SYNE3: variants seen among roughly 807,000 people sequenced by gnomAD.
SYNE3 encodes the protein spectrin repeat containing nuclear envelope family member 3.
Under a neutral mutation model 111.2 loss-of-function variants are expected in SYNE3, and 100 were observed. The observed-to-expected ratio is 0.90, with a 90% confidence interval of 0.77 to 1.06. The LOEUF is 1.06. Ranked by LOEUF, SYNE3 falls within the 50% of genes least tolerant of loss-of-function variation. SYNE3 has a pLI of 0.00. For missense variants in SYNE3, 1,160 were observed against 1,240.3 expected (o/e 0.94, Z 0.97); for synonymous variants, 547 against 533.9 (o/e 1.02, Z -0.34).
At chr14:95,437,112 G>T (rs778146649) in intron 14 of SYNE3, 131 bp from the exon 15 acceptor site, 229 of 1,013,168 alleles carry the variant, frequency 2.3e-4, no homozygotes, top group Non-Finnish European at 3.1e-4. Context: ...GGAGAGGCCT[G>T]GGGGATGAAC....
rs112509650 is a variant in SYNE3 at position 95,440,800 on chromosome 14, G to T, written c.1912-725C>A. Among the ~76,000 whole-genome samples the T allele has an allele frequency of 8.2e-3, 1,248 of 152,358 alleles. 12 individuals are homozygous for T. The highest frequency in any genetic ancestry group is 0.061 in the Middle Eastern group (18 of 294). ...CGGGAATGGTGAGCTGGGCATGACC[G>T]CAGGCACAGAGGCTTTGGGAGGCTG... On this transcript the variant is annotated intron_variant, in intron 11 of 17. Coordinates refer to ENST00000682763, the MANE Select transcript of SYNE3 (RefSeq NM_152592.6).
rs148301099 is a variant in SYNE3, at chr14:95,461,138, C to T, written c.628-3800G>A. 2.4e-4 allele frequency among the ~76,000 whole-genome samples: 36 copies of T among 152,332 alleles called. No individual in the cohort carries two copies. The East Asian group carries it at 6.0e-3, about 25-fold the overall frequency. The stretch of plus-strand genomic sequence containing the variant: ...GACCCAGCAATTACACCATCTGCGG[C>T]GGGCAGAGCTGTCAGGAATGTCAAA... On this transcript the variant is annotated intron_variant, in intron 4 of 17. Transcript: ENST00000682763.
intron 1 of SYNE3, among the ~76,000 whole-genome samples, chr14:95,502,224 C>A (rs1890363750): frequency 6.6e-6 from 1 of 152,106 alleles, no homozygotes; most frequent in Non-Finnish European, 1.5e-5. Flanking sequence ...ACCCTCATAT[C>A]CCCTTCCAAG....
chr14:95,450,138 GGAGA>G, intron 7 of SYNE3, 33 bp from the exon 8 acceptor site: 1 of 1,555,218 alleles, frequency 6.4e-7, no homozygotes, highest in Non-Finnish European at 8.7e-7. Flanking sequence ...AAATGAGGGA[GGAGA>G]GAGAGTGGGT....
chr14:95,461,937 A>G (rs1108892), intron 4 of SYNE3, among the ~76,000 whole-genome samples: 2,634 of 152,234 alleles, frequency 0.017, 74 homozygotes, highest in African/African-American at 0.06. Flanking sequence ...CTGGGGCTGG[A>G]GGGCTGGGGA....
intron 1 of SYNE3, among the ~76,000 whole-genome samples, chr14:95,486,487 C>T (rs1392175856): frequency 2.6e-5 from 4 of 152,072 alleles, no homozygotes; most frequent in Non-Finnish European, 5.9e-5. Flanking sequence ...CCTCCCTGAA[C>T]CCCCCAGACC....
intron 1 of SYNE3, among the ~76,000 whole-genome samples, chr14:95,515,447 A>G (rs903683167): frequency 6.6e-6 from 1 of 152,144 alleles, no homozygotes; most frequent in African/African-American, 2.4e-5. Flanking sequence ...AGGCCCTTCA[A>G]GAGAGCCAGG....
chr14:95,484,502 T>C (rs1466263847), intron 1 of SYNE3, among the ~76,000 whole-genome samples: 1 of 152,158 alleles, frequency 6.6e-6, no homozygotes, highest in Non-Finnish European at 1.5e-5. Context: ...GGCAGGGCAC[T>C]GGCCATCTGC....
intron 10 of SYNE3, chr14:95,443,554 G>A: frequency 2.5e-6 from 1 of 406,922 alleles, no homozygotes. Flanking sequence ...TGGCATCTCT[G>A]GGGACAAACT....
At chr14:95,510,742 T>C (rs1414342834) in intron 1 of SYNE3, among the ~76,000 whole-genome samples, 2 of 151,958 alleles carry the variant, frequency 1.3e-5, no homozygotes, top group African/African-American at 4.8e-5. Context: ...GAGCCGAGAT[T>C]GCACCATTGC....
intron 16 of SYNE3, among the ~76,000 whole-genome samples, chr14:95,432,698 G>A (rs1204441154): frequency 1.3e-5 from 2 of 150,070 alleles, no homozygotes; most frequent in Non-Finnish European, 3.0e-5. Flanking sequence ...GGAGACACAG[G>A]GGCCCCCGAA....
chr14:95,503,378 C>A (rs547168477), intron 1 of SYNE3, among the ~76,000 whole-genome samples: 2 of 152,324 alleles, frequency 1.3e-5, no homozygotes, highest in African/African-American at 4.8e-5. Flanking sequence ...CTCAGTCTTA[C>A]AAGGATTCTT....
chr14:95,514,903 G>C (rs1345309357), intron 1 of SYNE3, among the ~76,000 whole-genome samples: 1 of 152,268 alleles, frequency 6.6e-6, no homozygotes, highest in Non-Finnish European at 1.5e-5. Flanking sequence ...ACAAGGCAAA[G>C]GGGCTGCCCA....
At chr14:95,481,436 A>C (rs1409566747) in intron 1 of SYNE3, among the ~76,000 whole-genome samples, 1 of 152,154 alleles carries the variant, frequency 6.6e-6, no homozygotes, top group Non-Finnish European at 1.5e-5. Context: ...AAGCCCAGAG[A>C]TCAACCCCTA....
At chr14:95,489,062 T>A (rs1889705871) in intron 1 of SYNE3, among the ~76,000 whole-genome samples, 1 of 152,190 alleles carries the variant, frequency 6.6e-6, no homozygotes, top group Non-Finnish European at 1.5e-5. Flanking sequence ...GGTGAGCAGC[T>A]GAGTGACTGA....
intron 11 of SYNE3, among the ~76,000 whole-genome samples, chr14:95,442,072 A>T (rs1886443164): frequency 6.6e-6 from 1 of 152,260 alleles, no homozygotes; most frequent in Admixed American, 6.5e-5. Context: ...AAGATTTTGC[A>T]GTTTTAACAA....
rs12892702 is a variant in SYNE3 at position 95,410,129 on chromosome 14, C to A, written c.*7697G>T. ...GCAGATCTATTTGTCGGTTCCCAAG[C>A]CTTGCAGGAAGAATGTCTACAATGC... is the stretch of plus-strand genomic sequence containing the variant. On this transcript the variant is annotated 3_prime_UTR_variant, in exon 18 of 18. Coordinates refer to ENST00000682763, the MANE Select transcript of SYNE3 (RefSeq NM_152592.6). The A allele has an allele frequency of 0.16, 25,152 of 152,702 alleles. 2,543 individuals are homozygous for A. The highest frequency in any genetic ancestry group is 0.27 in the Middle Eastern group (80 of 294). The allele number at this position is 152,702 out of a possible 1,614,324, so 9.5% of individuals were successfully genotyped here. A position where few individuals can be genotyped will look rare whatever the true frequency, so the allele number is the denominator to read the frequency against.
At chr14:95,481,909 G>A (rs540465465) in intron 1 of SYNE3, among the ~76,000 whole-genome samples, 10 of 152,374 alleles carry the variant, frequency 6.6e-5, no homozygotes, top group South Asian at 6.2e-4. Context: ...GAGGCAGATC[G>A]CCTGCTGGGT....
At position 95,414,132 on chromosome 14, in the gene SYNE3, A is replaced by C. The variant is rs780225495; in HGVS notation, c.*3694T>G. 5.9e-5 allele frequency: 9 copies of C among 152,192 alleles called. No homozygotes were observed. The highest frequency in any genetic ancestry group is 2.0e-4 in the Admixed American group (3 of 15,282). The allele number at this position is 152,192 out of a possible 1,614,324, so 9.4% of individuals were successfully genotyped here. A position where few individuals can be genotyped will look rare whatever the true frequency, so the allele number is the denominator to read the frequency against. The stretch of plus-strand genomic sequence containing the variant: ...TCTGCCTGCTTGCCCAGGGAACTCC[A>C]TTCCCAGAGGCTACAGAGACTGCAA... On this transcript the variant is annotated 3_prime_UTR_variant, in exon 18 of 18. Transcript: ENST00000682763.
Sources: gnomAD v4.1 joint callset for allele counts (sites outside exome capture counted in the v4.1 genomes callset) on GRCh38, gnomAD v4.1.1 for gene constraint, MANE v1.5 for transcripts, NCBI Gene and HGNC (gene_info 2026-07-23, HGNC 2026-07-21) for gene names.